The following UNC5B variants were observed in gnomAD, a reference collection of about 807,000 sequenced individuals.
UNC5B encodes netrin receptor UNC5B.
Under a neutral mutation model 103.7 loss-of-function variants are expected in UNC5B, and 56 were observed. The ratio of observed to expected loss-of-function variants is 0.54; its 90% CI spans 0.44 to 0.67. UNC5B has a LOEUF of 0.67. Among genes scored for constraint, UNC5B ranks in the 30% least tolerant of loss-of-function variants. UNC5B has a pLI of 0.00. For missense variants in UNC5B, 1,194 were observed against 1,284.5 expected, an observed-to-expected ratio of 0.93 and a Z score of 1.08; for synonymous variants, 577 against 542.0, an observed-to-expected ratio of 1.06 and a Z score of -0.90.
rs561136948 is a variant in UNC5B at position 71,297,978 on chromosome 10, T to C, written c.2560T>C (p.Tyr854His). The C allele has an allele frequency of 3.1e-6, 5 of 1,613,984 alleles. No individual in the cohort carries two copies. The South Asian group carries it at 5.5e-5, about 18-fold the overall frequency. ...CACTGTCACCACCCAGCTGGGACCT[T>C]ATGCCTTCAAGATCCCACTGTCCAT... ...GSTVTTQLGP[Y>H]AFKIPLSIRQ... Residue 854 changes from tyrosine (Y) to histidine (H), a missense_variant, in exon 16 of 17, where the codon TAT (tyrosine) becomes CAT (histidine). Physicochemically the swap from Tyr to His is moderately conservative, Grantham distance 83. Coordinates refer to ENST00000335350, the MANE Select transcript of UNC5B (RefSeq NM_170744.5).
At chr10:71,220,631 A>G (rs1441208195) in intron 1 of UNC5B, among the ~76,000 whole-genome samples, 1 of 152,166 alleles carries the variant, frequency 6.6e-6, no homozygotes, top group Non-Finnish European at 1.5e-5. Flanking sequence ...CATCTGTAAA[A>G]TGGGGGTAAT....
rs1241145768 is a variant in UNC5B, at chr10:71,291,675, G to T, written c.1538G>T (p.Ser513Ile). 6.2e-7 allele frequency: 1 copy of T among 1,613,666 alleles called. No individual in the cohort carries two copies. ...LGVLPPGTYP[S>I]DFARDTHFLH... ...GTCTTGCCGCCTGGCACATACCCTAGCGATTTCGCCCGGGACACCCACTTC... is the reference window on the plus strand; with the variant it reads ...GTCTTGCCGCCTGGCACATACCCTATCGATTTCGCCCGGGACACCCACTTC... Residue 513 changes from serine (S) to isoleucine (I), a missense_variant, in exon 10 of 17, where the codon AGC (serine) becomes ATC (isoleucine). By Grantham distance (142) the Ser-to-Ile change is moderately radical (BLOSUM62 -2). Transcript: ENST00000335350.
In UNC5B at chr10:71,288,970, T is replaced by G; in HGVS notation, c.1079T>G (p.Leu360Arg). The G allele has an allele frequency of 6.3e-7, 1 of 1,592,952 alleles. No homozygotes were observed. Among genetic ancestry groups the G allele is most frequent in the Non-Finnish European group, 8.6e-7 (1 of 1,167,568 alleles). ...TTTCCCTTGACAGATAAGAAAACTC[T>G]AAGCGACCCCAACAGCCACCGTAAG... is the stretch of plus-strand genomic sequence containing the variant. The part of the protein sequence containing the change: ...DGLCMQNKKT[L>R]SDPNSHLLEA... Residue 360 changes from leucine (L) to arginine (R), a missense_variant, in exon 8 of 17, where the codon CTA becomes CGA. Leu to Arg is a moderately radical substitution (Grantham distance 102). Transcript: ENST00000335350.
chr10:71,243,445 C>T (rs943331957), intron 1 of UNC5B, among the ~76,000 whole-genome samples: 1 of 152,140 alleles, frequency 6.6e-6, no homozygotes, highest in African/African-American at 2.4e-5. Flanking sequence ...GGCTATTGAG[C>T]ACTGGAAATA....
rs1242859004 is a variant in UNC5B at position 71,287,466 on chromosome 10, CTG to C, written c.734-130_734-129del. 5 of 1,147,902 alleles carry C rather than the reference CTG, an allele frequency of 4.4e-6. No homozygotes were observed. The African/African-American group carries it at 6.2e-5, about 14-fold the overall frequency. The allele number at this position is 1,147,902 out of a possible 1,614,324, so 71.1% of individuals were successfully genotyped here. A position where few individuals can be genotyped will look rare whatever the true frequency, so the allele number is the denominator to read the frequency against. On this transcript the variant is annotated intron_variant, in intron 5 of 16. Transcript: ENST00000335350. ...TATCTGCCAGTTCTGAGTCCCTACA[CTG>C]TAGGCAAAAGGGGTCTCACTAGGAA...
At chr10:71,293,262 A>G (rs1321284093) in intron 11 of UNC5B, 143 bp from the exon 12 acceptor site, 10 of 913,166 alleles carry the variant, frequency 1.1e-5, no homozygotes, top group Non-Finnish European at 1.6e-5. Flanking sequence ...CTTTGCCCCC[A>G]TGACCTCTGG....
Position 71,291,448 on chromosome 10 carries a change from A to G in UNC5B, c.1311A>G (p.Leu437=). The G allele has an allele frequency of 6.2e-7, 1 of 1,610,636 alleles. No homozygotes were observed. The change falls in exon 10 of 17, where the codon CTA becomes CTG. Residue 437 remains leucine, a synonymous_variant. Coordinates refer to ENST00000335350, the MANE Select transcript of UNC5B (RefSeq NM_170744.5). ...CTCCTGCAGGCAACCCGCAGCTCCTACACCCCTCTGTGCCTCCTGACCTGA... is the reference window on the plus strand; with the variant it reads ...CTCCTGCAGGCAACCCGCAGCTCCTGCACCCCTCTGTGCCTCCTGACCTGA... ...KTARPSNPQL[L]HPSVPPDLTA... is the part of the protein sequence containing the mutation.
chr10:71,270,932 G>C (rs1239206995), intron 1 of UNC5B, among the ~76,000 whole-genome samples: 1 of 152,194 alleles, frequency 6.6e-6, no homozygotes, highest in African/African-American at 2.4e-5. Context: ...AGGCACTGTG[G>C]TCCCAGCCTG....
At chr10:71,240,031 G>A (rs1294510940) in intron 1 of UNC5B, among the ~76,000 whole-genome samples, 2 of 152,146 alleles carry the variant, frequency 1.3e-5, no homozygotes, top group African/African-American at 2.4e-5. Flanking sequence ...GAGGGAAGGT[G>A]GCATGTTAGC....
intron 1 of UNC5B, among the ~76,000 whole-genome samples, chr10:71,230,294 C>T (rs1843657536): frequency 6.6e-6 from 1 of 152,090 alleles, no homozygotes; most frequent in African/African-American, 2.4e-5. Context: ...AGGAACTTAC[C>T]TCCACTCCAT....
intron 1 of UNC5B, among the ~76,000 whole-genome samples, chr10:71,260,292 G>A (rs1017274766): frequency 3.9e-5 from 6 of 152,126 alleles, no homozygotes; most frequent in Admixed American, 2.0e-4. Context: ...AGGGGTGCTC[G>A]GGGACCGCCT....
At chr10:71,234,731 C>T (rs777485037) in intron 1 of UNC5B, among the ~76,000 whole-genome samples, 2 of 152,230 alleles carry the variant, frequency 1.3e-5, no homozygotes, top group Non-Finnish European at 2.9e-5. Context: ...AATACTTGGC[C>T]AGAGTCTTGT....
intron 1 of UNC5B, among the ~76,000 whole-genome samples, chr10:71,228,009 T>C (rs999411636): frequency 1.3e-5 from 2 of 152,208 alleles, no homozygotes; most frequent in Non-Finnish European, 2.9e-5. Context: ...GGTGTGTGAA[T>C]TGGCAAATAG....
chr10:71,286,011 C>T (rs1366151627), intron 4 of UNC5B, among the ~76,000 whole-genome samples: 1 of 152,236 alleles, frequency 6.6e-6, no homozygotes, highest in East Asian at 1.9e-4. Flanking sequence ...CAAAACCATG[C>T]ACTCATCATT....
chr10:71,286,572 C>A (rs750239300), intron 4 of UNC5B, 117 bp from the exon 5 acceptor site: 15 of 1,331,538 alleles, frequency 1.1e-5, no homozygotes, highest in Middle Eastern at 1.9e-4. Context: ...TATAGTCCCA[C>A]CAAGGCCCTG....
chr10:71,270,136 G>A (rs1844608238), intron 1 of UNC5B, among the ~76,000 whole-genome samples: 1 of 152,112 alleles, frequency 6.6e-6, no homozygotes, highest in Admixed American at 6.5e-5. Flanking sequence ...GATCACCTGA[G>A]GTCAGGAGTT....
At chr10:71,247,376 G>A (rs941490015) in intron 1 of UNC5B, among the ~76,000 whole-genome samples, 3 of 152,328 alleles carry the variant, frequency 2.0e-5, no homozygotes, top group Non-Finnish European at 1.5e-5. Flanking sequence ...CTGTAGGGAA[G>A]GCACTGTTCC....
intron 1 of UNC5B, among the ~76,000 whole-genome samples, chr10:71,225,924 G>A (rs534307199): frequency 3.9e-5 from 6 of 152,026 alleles, no homozygotes; most frequent in Non-Finnish European, 5.9e-5. Flanking sequence ...CCCCTCACAC[G>A]GCTCCTCTGC....
chr10:71,283,013 G>A (rs1340007507), intron 2 of UNC5B, among the ~76,000 whole-genome samples: 3 of 152,162 alleles, frequency 2.0e-5, no homozygotes, highest in African/African-American at 4.8e-5. Flanking sequence ...CCAGCTACTC[G>A]GGAGGCTGAA....
Sources: allele counts gnomAD v4.1 joint callset (sites outside exome capture counted in the v4.1 genomes callset), GRCh38; gene constraint gnomAD v4.1.1; transcripts MANE v1.5; gene names NCBI Gene and HGNC (gene_info 2026-07-23, HGNC 2026-07-21).